Variants in AJAP1 observed in about 807,000 individuals in gnomAD.
The protein encoded by AJAP1 is adherens junctions associated protein 1, also known as adherens junction-associated protein 1.
AJAP1 carries 5 observed loss-of-function variants against 35.0 expected under a neutral mutation model. The observed-to-expected ratio is 0.14, with a 90% confidence interval of 0.07 to 0.30. The LOEUF (loss-of-function observed/expected upper bound fraction) is 0.30, where lower values mean the gene tolerates loss of function less well. AJAP1 is among the 10% of genes least tolerant of loss of function. AJAP1 has a pLI of 1.00. For missense variants in AJAP1, 586 were observed against 571.0 expected (o/e 1.03, Z -0.27); for synonymous variants, 284 against 249.3 (o/e 1.14, Z -1.31).
At chr1:4,698,381 C>T (rs1474826341) in intron 1 of AJAP1, among the ~76,000 whole-genome samples, 1 of 152,202 alleles carries the variant, frequency 6.6e-6, no homozygotes, top group East Asian at 1.9e-4. Context: ...GCAAAGGCGT[C>T]ATTTACATTC....
At chr1:4,742,177 G>A (rs907498971) in intron 2 of AJAP1, among the ~76,000 whole-genome samples, 4 of 152,176 alleles carry the variant, frequency 2.6e-5, no homozygotes, top group African/African-American at 9.7e-5. Context: ...CAAAGCCAGG[G>A]AGTGACTTTA....
At chr1:4,765,182 C>T (rs555524812) in intron 2 of AJAP1, among the ~76,000 whole-genome samples, 1 of 152,200 alleles carries the variant, frequency 6.6e-6, no homozygotes, top group Non-Finnish European at 1.5e-5. Context: ...TGCTTCTGAG[C>T]TCTGGGACCA....
At chr1:4,719,744 T>A (rs1366512672) in intron 2 of AJAP1, among the ~76,000 whole-genome samples, 1 of 152,118 alleles carries the variant, frequency 6.6e-6, no homozygotes, top group African/African-American at 2.4e-5. Context: ...TGGTGTTCCC[T>A]CTGCAAGGAG....
chr1:4,698,695 G>A (rs1476823719), intron 1 of AJAP1, among the ~76,000 whole-genome samples: 1 of 152,172 alleles, frequency 6.6e-6, no homozygotes, highest in African/African-American at 2.4e-5. Flanking sequence ...GAAACTCTGA[G>A]CTGCTCTAGC....
At chr1:4,667,405 C>T (rs10915581) in intron 1 of AJAP1, among the ~76,000 whole-genome samples, 1 of 152,208 alleles carries the variant, frequency 6.6e-6, no homozygotes, top group African/African-American at 2.4e-5. Context: ...CTTACAACAG[C>T]AGTCCCCAAC....
At chr1:4,688,167 C>G (rs1639650132) in intron 1 of AJAP1, among the ~76,000 whole-genome samples, 1 of 152,122 alleles carries the variant, frequency 6.6e-6, no homozygotes, top group Non-Finnish European at 1.5e-5. Context: ...ACGGGGGTCC[C>G]TCGGAGCGCC....
intron 2 of AJAP1, 70 bp from the exon 3 acceptor site, chr1:4,769,783 C>G: frequency 7.2e-7 from 1 of 1,391,474 alleles, no homozygotes; most frequent in Non-Finnish European, 1.0e-6. Flanking sequence ...GCACCTCCAC[C>G]TTTCCCGGCC....
At chr1:4,671,296 G>C (rs569262472) in intron 1 of AJAP1, among the ~76,000 whole-genome samples, 2 of 151,922 alleles carry the variant, frequency 1.3e-5, no homozygotes, top group East Asian at 1.9e-4. Flanking sequence ...TTGGACCTGG[G>C]AGGAGGAGGT....
Position 4,782,912 on chromosome 1 carries a change from G to A in AJAP1, c.*427G>A, listed in dbSNP as rs1485831637. Reference sequence around the variant, plus strand: ...TTATGTGCCATGTACTGACCCGAAAGGCTCGGCCGCAGAGCCGGGGCCCAG... The same window carrying A: ...TTATGTGCCATGTACTGACCCGAAAAGCTCGGCCGCAGAGCCGGGGCCCAG... On this transcript the variant is annotated 3_prime_UTR_variant, in exon 6 of 6. Coordinates refer to ENST00000378191, the MANE Select transcript of AJAP1 (RefSeq NM_018836.4). This position sits in a 1 kb window ranked among gnomAD's most constrained non-coding sequence, Gnocchi z 5.3. The A allele has an allele frequency of 3.0e-5, 12 of 398,390 alleles. No homozygotes were observed. Among genetic ancestry groups the A allele is most frequent in the Non-Finnish European group, 5.3e-5 (12 of 226,026 alleles). 24.7% of individuals were successfully genotyped at this position (398,390 alleles called of 1,614,324 possible).
chr1:4,738,421 G>A (rs897141057), intron 2 of AJAP1, among the ~76,000 whole-genome samples: 1 of 152,258 alleles, frequency 6.6e-6, no homozygotes, highest in Non-Finnish European at 1.5e-5. Flanking sequence ...TCTGAACAAG[G>A]GGAGGGTGAT....
rs1642183184 is a variant in AJAP1 at position 4,787,763 on chromosome 1, C to T, written c.*5278C>T. On this transcript the variant is annotated 3_prime_UTR_variant, in exon 6 of 6. Transcript: ENST00000378191. ...AGGTCTCAAGGAGGATAAGGGGGTT[C>T]AACGTCAGCGACTTGGCCCACGGGG... 1 of 455,220 alleles carries T rather than the reference C, an allele frequency of 2.2e-6. No homozygotes were observed. The highest frequency in any genetic ancestry group is 2.0e-5 in the African/African-American group (1 of 50,044). The allele number at this position is 455,220 out of a possible 1,614,324, so 28.2% of individuals were successfully genotyped here. A position where few individuals can be genotyped will look rare whatever the true frequency, so the allele number is the denominator to read the frequency against.
intron 1 of AJAP1, among the ~76,000 whole-genome samples, chr1:4,657,280 T>C (rs900501): frequency 0.2 from 29,743 of 152,092 alleles, 4,315 homozygotes; most frequent in African/African-American, 0.42. Context: ...TTCTGTTGGT[T>C]CTTTTGAAGT....
At chr1:4,728,659 A>G (rs2100294757) in intron 2 of AJAP1, among the ~76,000 whole-genome samples, 1 of 152,306 alleles carries the variant, frequency 6.6e-6, no homozygotes, top group Non-Finnish European at 1.5e-5. Flanking sequence ...ACAGACCCTC[A>G]GGCACAACTG....
Position 4,769,731 on chromosome 1 carries a change from G to A in AJAP1, c.830-122G>A, listed in dbSNP as rs974178392. ...CCTGTCATGCTGCCCCGAGTTCCCCGCTGCGGATGGGACCTGGCATCCCCA... is the reference window on the plus strand; with the variant it reads ...CCTGTCATGCTGCCCCGAGTTCCCCACTGCGGATGGGACCTGGCATCCCCA... On this transcript the variant is annotated intron_variant, in intron 2 of 5. Transcript: ENST00000378191. 2.8e-5 allele frequency: 23 copies of A among 817,984 alleles called. 1 individual carries two copies. Among genetic ancestry groups the A allele is most frequent in the Admixed American group, 8.7e-5 (5 of 57,196 alleles). 50.7% of individuals were successfully genotyped at this position (817,984 alleles called of 1,614,324 possible).
intron 1 of AJAP1, among the ~76,000 whole-genome samples, chr1:4,688,731 C>T (rs1011379378): frequency 5.6e-5 from 8 of 144,120 alleles, no homozygotes; most frequent in African/African-American, 2.1e-4. Context: ...GAGATCGTGC[C>T]ACTGCACTCC....
chr1:4,674,171 G>C (rs1423510544), intron 1 of AJAP1, among the ~76,000 whole-genome samples: 3 of 151,984 alleles, frequency 2.0e-5, no homozygotes, highest in African/African-American at 4.8e-5. Flanking sequence ...CGGCCAAGAA[G>C]GCAGGGCAGT....
At chr1:4,695,622 C>G (rs1295223220) in intron 1 of AJAP1, among the ~76,000 whole-genome samples, 2 of 152,098 alleles carry the variant, frequency 1.3e-5, no homozygotes, top group African/African-American at 2.4e-5. Flanking sequence ...GGTGGAAGTC[C>G]AGAATCAAGG....
In AJAP1 at chr1:4,712,210, A is replaced by G. The variant is rs2100266681; in HGVS notation, c.340A>G (p.Lys114Glu). Residue 114 changes from lysine (K) to glutamate (E), a missense_variant, in exon 2 of 6, where the codon AAG becomes GAG. By Grantham distance (56) the Lys-to-Glu change is moderately conservative. Transcript: ENST00000378191. ...PRDQAAALVP[K>E]AGLAKPPAAA... ...GGACCAGGCGGCCGCCCTCGTGCCC[A>G]AGGCAGGACTGGCCAAGCCCCCAGC... The G allele has an allele frequency of 6.4e-7, 1 of 1,556,030 alleles. No homozygotes were observed. Among genetic ancestry groups the G allele is most frequent in the Non-Finnish European group, 8.6e-7 (1 of 1,159,866 alleles).
intron 2 of AJAP1, among the ~76,000 whole-genome samples, chr1:4,764,228 C>A (rs949257303): frequency 6.6e-6 from 1 of 152,208 alleles, no homozygotes; most frequent in African/African-American, 2.4e-5. Context: ...AATACATTCA[C>A]CCCTTGGAAG....
Sources: allele counts gnomAD v4.1 joint callset (sites outside exome capture counted in the v4.1 genomes callset), GRCh38; gene constraint gnomAD v4.1.1; non-coding constraint Gnocchi (gnomAD v3.1); transcripts MANE v1.5; gene names NCBI Gene and HGNC (gene_info 2026-07-23, HGNC 2026-07-21).